Variants in SH2D1A observed in about 807,000 individuals in gnomAD.
SH2D1A encodes SH2 domain containing 1A.
SH2D1A carries 6 observed loss-of-function variants against 10.1 expected under a neutral mutation model. That is an observed-to-expected ratio of 0.60 (90% CI 0.33 to 1.18). SH2D1A has a LOEUF of 1.18. Ranked by LOEUF, SH2D1A falls within the 50% of genes most tolerant of loss-of-function variation. The pLI, the probability that SH2D1A is intolerant of heterozygous loss-of-function variation, is 0.04. For synonymous variants in SH2D1A, 42 were observed against 36.9 expected (o/e 1.14, Z -0.51); for missense variants, 51 against 97.6 (o/e 0.52, Z 2.01).
chrX:124,364,574 G>A (rs542408619), intron 1 of SH2D1A, among the ~76,000 whole-genome samples: 6 of 108,893 alleles, frequency 5.5e-5, no homozygotes, highest in Non-Finnish European at 7.6e-5. Context: ...GCGTGATCTC[G>A]TCTCACTGCA....
chrX:124,370,420 T>C, intron 3 of SH2D1A, 100 bp downstream of exon 3: 1 of 718,562 alleles, frequency 1.4e-6, no homozygotes, highest in Non-Finnish European at 2.2e-6. Flanking sequence ...GTAAGAAAAA[T>C]GCAGTGAGAA....
chrX:124,347,082 C>T (rs1449383322), intron 1 of SH2D1A, among the ~76,000 whole-genome samples: 1 of 111,592 alleles, frequency 9.0e-6, no homozygotes, highest in African/African-American at 3.3e-5. Context: ...AGTTTACCTT[C>T]GCTCCGGGAA....
In SH2D1A at chrX:124,372,240, G is replaced by C. The variant is rs1004717692; in HGVS notation, c.*849G>C. The C allele has an allele frequency of 6.1e-6, 1 of 164,461 alleles. No homozygotes were observed. Among genetic ancestry groups the C allele is most frequent in the Non-Finnish European group, 1.2e-5 (1 of 85,820 alleles). 13.6% of individuals were successfully genotyped at this position (164,461 alleles called of 1,213,427 possible). A position where few individuals can be genotyped will look rare whatever the true frequency, so the allele number is the denominator to read the frequency against. On this transcript the variant is annotated 3_prime_UTR_variant, in exon 4 of 4. Transcript: ENST00000371139. Reference sequence around the variant, plus strand: ...CTACAAAACCACTGGAAAGTTTATGGTTGTATTATTTTTTAAAAAAATTCC... The same window carrying C: ...CTACAAAACCACTGGAAAGTTTATGCTTGTATTATTTTTTAAAAAAATTCC...
intron 1 of SH2D1A, among the ~76,000 whole-genome samples, chrX:124,353,981 C>T (rs1412681350): frequency 8.9e-6 from 1 of 112,161 alleles, no homozygotes; most frequent in East Asian, 2.8e-4. Context: ...AACAGTGTGG[C>T]AAAGAACTTG....
intron 1 of SH2D1A, among the ~76,000 whole-genome samples, chrX:124,347,965 A>G (rs1310949196): frequency 9.0e-6 from 1 of 111,197 alleles, no homozygotes; most frequent in Non-Finnish European, 1.9e-5. Flanking sequence ...GCTTGGTAGT[A>G]AGTTCAGCAT....
chrX:124,367,319 T>C (rs940183549), intron 2 of SH2D1A, among the ~76,000 whole-genome samples: 2 of 112,357 alleles, frequency 1.8e-5, no homozygotes, highest in African/African-American at 6.5e-5. Context: ...AGTGCTTTTC[T>C]AAGGTGAAAA....
intron 2 of SH2D1A, 132 bp downstream of exon 2, chrX:124,365,956 A>G: frequency 2.1e-6 from 1 of 485,394 alleles, no homozygotes. Context: ...CCAATCCAAA[A>G]TTGTTCATGG....
chrX:124,366,785 T>C (rs985056104), intron 2 of SH2D1A, among the ~76,000 whole-genome samples: 46 of 110,424 alleles, frequency 4.2e-4, no homozygotes, highest in African/African-American at 1.5e-3. Context: ...TATACCTGTT[T>C]ATTTAAAAAA....
At chrX:124,353,443 G>A (rs1420741995) in intron 1 of SH2D1A, among the ~76,000 whole-genome samples, 5 of 110,675 alleles carry the variant, frequency 4.5e-5, no homozygotes, top group Non-Finnish European at 9.5e-5. Flanking sequence ...TTCTGTTCTT[G>A]TATTTATCCA....
At chrX:124,360,600 T>TAAAAAAA (rs57948305) in intron 1 of SH2D1A, among the ~76,000 whole-genome samples, 3 of 30,796 alleles carry the variant, frequency 9.7e-5, no homozygotes, top group Admixed American at 4.5e-4. Context: ...AAGACACCAT[T>TAAAAAAA]AAAAAAAAAA....
At chrX:124,351,409 C>T (rs1403235763) in intron 1 of SH2D1A, among the ~76,000 whole-genome samples, 1 of 109,269 alleles carries the variant, frequency 9.2e-6, no homozygotes, top group Non-Finnish European at 1.9e-5. Context: ...TGATTATTTC[C>T]TTAGAATGAA....
At chrX:124,352,470 A>ACTT (rs1254715297) in intron 1 of SH2D1A, among the ~76,000 whole-genome samples, 14 of 111,426 alleles carry the variant, frequency 1.3e-4, no homozygotes, top group Admixed American at 2.9e-4. Flanking sequence ...TATTAAGTTA[A>ACTT]AAAAAATTCA....
intron 2 of SH2D1A, among the ~76,000 whole-genome samples, chrX:124,367,067 A>G (rs1430028579): frequency 9.0e-6 from 1 of 111,313 alleles, no homozygotes; most frequent in Non-Finnish European, 1.9e-5. Flanking sequence ...TTTGAGTATA[A>G]CATCATATGA....
At chrX:124,361,757 T>C (rs1223229201) in intron 1 of SH2D1A, among the ~76,000 whole-genome samples, 6 of 112,250 alleles carry the variant, frequency 5.3e-5, no homozygotes, top group Non-Finnish European at 1.1e-4. Context: ...TGACTTTTTA[T>C]CTGAGGAGAT....
rs752744272 is a variant in SH2D1A, at chrX:124,352,326, ACTAT to A, written c.137+5552_137+5555del. Among the ~76,000 whole-genome samples the A allele has an allele frequency of 3.0e-4, 33 of 111,511 alleles. No homozygotes were observed. In the South Asian group the frequency reaches 5.2e-3, roughly 17 times the overall value. Reference sequence around the variant, plus strand: ...TATATATAACAGTTACTGTTTCTGGACTATCTATTTGTCTCAATTGATCCATTTA... The same window carrying A: ...TATATATAACAGTTACTGTTTCTGGACTATTTGTCTCAATTGATCCATTTA... On this transcript the variant is annotated intron_variant, in intron 1 of 3. Transcript: ENST00000371139.
At position 124,365,791 on chromosome X, in the gene SH2D1A, G is replaced by A; in HGVS notation, c.168G>A (p.Val56=). 1 of 1,180,487 alleles carries A rather than the reference G, an allele frequency of 8.5e-7. No individual in the cohort carries two copies. The highest frequency in any genetic ancestry group is 1.8e-5 in the South Asian group (1 of 56,239). The change falls in exon 2 of 4, where the codon GTG becomes GTA. Residue 56 remains valine (V), a synonymous_variant. Coordinates refer to ENST00000371139, the MANE Select transcript of SH2D1A (RefSeq NM_002351.5). ...ACGGTTACATTTATACATACCGAGT[G>A]TCCCAGACAGAAACAGGTTCTTGGA... ...LYHGYIYTYR[V]SQTETGSWSA...
At chrX:124,356,486 C>T (rs1054056841) in intron 1 of SH2D1A, among the ~76,000 whole-genome samples, 16 of 112,371 alleles carry the variant, frequency 1.4e-4, no homozygotes, top group Non-Finnish European at 3.0e-4. Flanking sequence ...CTCTCTCTGT[C>T]GCCCAGCCTG....
chrX:124,360,654 G>A lies in SH2D1A; in HGVS notation c.138-5107G>A, dbSNP rs142526170. ...GTGTCCTAACCAAAAGATCTCTATTGACCCAAACTTGTGCCCAAGAATAGC... is the reference window on the plus strand; with the variant it reads ...GTGTCCTAACCAAAAGATCTCTATTAACCCAAACTTGTGCCCAAGAATAGC... On this transcript the variant is annotated intron_variant, in intron 1 of 3. Coordinates refer to ENST00000371139, the MANE Select transcript of SH2D1A (RefSeq NM_002351.5). Among the ~76,000 whole-genome samples the A allele has an allele frequency of 7.2e-3, 642 of 88,689 alleles. 6 individuals carry two copies. Among genetic ancestry groups the A allele is most frequent in the Non-Finnish European group, 0.011 (486 of 45,793 alleles). 77.0% of individuals were successfully genotyped at this position (88,689 alleles called of 115,157 possible).
chrX:124,365,890 A>G (rs2060053101), intron 2 of SH2D1A, 66 bp downstream of exon 2: 1 of 660,051 alleles, frequency 1.5e-6, no homozygotes, highest in Non-Finnish European at 2.5e-6. Flanking sequence ...GGCTGGTTTT[A>G]TAAAAGAGCA....
Sources: allele counts gnomAD v4.1 joint callset (sites outside exome capture counted in the v4.1 genomes callset), GRCh38; gene constraint gnomAD v4.1.1; transcripts MANE v1.5; gene names NCBI Gene and HGNC (gene_info 2026-07-23, HGNC 2026-07-21).